Variants in PLEKHM3 observed in about 807,000 individuals in gnomAD.
PLEKHM3 encodes pleckstrin homology domain-containing family M member 3.
Under a neutral mutation model 81.8 loss-of-function variants are expected in PLEKHM3, and 45 were observed. The ratio of observed to expected loss-of-function variants is 0.55; its 90% confidence interval spans 0.43 to 0.71. The LOEUF (loss-of-function observed/expected upper bound fraction) is 0.71. Among genes scored for constraint, PLEKHM3 ranks in the 30% least tolerant of loss-of-function variants. The pLI, the probability that PLEKHM3 is intolerant of heterozygous loss-of-function variation, is 0.00. For synonymous variants in PLEKHM3, 352 were observed against 356.4 expected (o/e 0.99, Z 0.14); for missense variants, 788 against 924.3 (o/e 0.85, Z 1.91).
intron 4 of PLEKHM3, among the ~76,000 whole-genome samples, chr2:207,943,888 A>G (rs1690032413): frequency 6.6e-6 from 1 of 151,492 alleles, no homozygotes. Context: ...AAAAAAAAAA[A>G]AAAGAAATGC....
intron 1 of PLEKHM3, among the ~76,000 whole-genome samples, chr2:208,017,718 G>A: frequency 6.6e-6 from 1 of 152,022 alleles, no homozygotes; most frequent in East Asian, 1.9e-4. Context: ...CCCTCAAGAA[G>A]CAGTCTGATT....
intron 1 of PLEKHM3, among the ~76,000 whole-genome samples, chr2:208,015,583 TA>T (rs1692878248): frequency 6.6e-6 from 1 of 152,210 alleles, no homozygotes; most frequent in Non-Finnish European, 1.5e-5. Flanking sequence ...GTTCTCTAAC[TA>T]AATAGCTAAC....
At chr2:207,979,343 T>C (rs775098961) in intron 2 of PLEKHM3, among the ~76,000 whole-genome samples, 6 of 152,110 alleles carry the variant, frequency 3.9e-5, no homozygotes, top group Non-Finnish European at 7.4e-5. Context: ...GAGACCAGCC[T>C]GGCCAACATG....
At chr2:207,835,958 G>A (rs2092316767) in intron 7 of PLEKHM3, among the ~76,000 whole-genome samples, 1 of 152,136 alleles carries the variant, frequency 6.6e-6, no homozygotes, top group Admixed American at 6.6e-5. Flanking sequence ...TTTAACTGTT[G>A]GGACAGCTGC....
chr2:207,828,938 G>A (rs894168708), intron 7 of PLEKHM3, among the ~76,000 whole-genome samples: 4 of 152,202 alleles, frequency 2.6e-5, no homozygotes, highest in African/African-American at 7.2e-5. Flanking sequence ...CAGTTAACAC[G>A]AGCTAAGTGG....
At chr2:207,828,870 G>A (rs1428236777) in intron 7 of PLEKHM3, among the ~76,000 whole-genome samples, 2 of 152,118 alleles carry the variant, frequency 1.3e-5, no homozygotes, top group Admixed American at 6.5e-5. Flanking sequence ...TCGTGAAAAC[G>A]CTCGGCACAC....
At chr2:207,915,381 G>C (rs1455090105) in intron 5 of PLEKHM3, among the ~76,000 whole-genome samples, 2 of 152,088 alleles carry the variant, frequency 1.3e-5, no homozygotes, top group African/African-American at 4.8e-5. Flanking sequence ...CATGACATTA[G>C]GTCAAATAAA....
intron 6 of PLEKHM3, among the ~76,000 whole-genome samples, chr2:207,899,783 AT>A (rs1688357839): frequency 6.6e-6 from 1 of 152,106 alleles, no homozygotes; most frequent in South Asian, 2.1e-4. Context: ...GGTAGTGAAA[AT>A]TTTCTTTAGC....
At chr2:207,844,658 A>C (rs2092373790) in intron 7 of PLEKHM3, among the ~76,000 whole-genome samples, 1 of 152,082 alleles carries the variant, frequency 6.6e-6, no homozygotes, top group Admixed American at 6.6e-5. Context: ...TTTCTCATCA[A>C]AAGGCTACAA....
intron 1 of PLEKHM3, among the ~76,000 whole-genome samples, chr2:208,004,639 T>G (rs1403973232): frequency 6.6e-6 from 1 of 152,016 alleles, no homozygotes; most frequent in Non-Finnish European, 1.5e-5. Flanking sequence ...AGTTTTCACC[T>G]CAGGGCCTTT....
chr2:207,971,630 G>A (rs896227013), intron 3 of PLEKHM3, among the ~76,000 whole-genome samples: 1 of 150,162 alleles, frequency 6.7e-6, no homozygotes, highest in Non-Finnish European at 1.5e-5. Context: ...ACCTAATATA[G>A]AATCACATAC....
At chr2:207,867,321 T>C (rs1438932987) in intron 6 of PLEKHM3, among the ~76,000 whole-genome samples, 1 of 152,250 alleles carries the variant, frequency 6.6e-6, no homozygotes, top group African/African-American at 2.4e-5. Flanking sequence ...CTTACATTCA[T>C]GGCCATGTTC....
At chr2:207,870,436 G>T (rs149757293) in intron 6 of PLEKHM3, among the ~76,000 whole-genome samples, 5 of 152,180 alleles carry the variant, frequency 3.3e-5, no homozygotes. Flanking sequence ...AAACAACTCC[G>T]TCTCTGAAAG....
intron 6 of PLEKHM3, among the ~76,000 whole-genome samples, chr2:207,880,793 AAAAACAAACAAAC>A: frequency 7.0e-6 from 1 of 141,988 alleles, no homozygotes; most frequent in Non-Finnish European, 1.5e-5. Context: ...AAAAAACCAA[AAAAACAAACAAAC>A]AAAAAAAAAC....
intron 3 of PLEKHM3, among the ~76,000 whole-genome samples, chr2:207,964,211 CAA>C (rs900466467): frequency 5.2e-5 from 7 of 135,210 alleles, no homozygotes; most frequent in Admixed American, 1.5e-4. Context: ...GACTCCGTCT[CAA>C]AAAAAAAAAA....
intron 7 of PLEKHM3, among the ~76,000 whole-genome samples, chr2:207,855,287 AG>A (rs1373047898): frequency 1.3e-5 from 2 of 152,174 alleles, no homozygotes; most frequent in Admixed American, 1.3e-4. Context: ...AAGGGAACAA[AG>A]GAGCCTACTG....
At chr2:207,923,880 C>CACACACACACATATATATATATATAT (rs1319162543) in intron 5 of PLEKHM3, among the ~76,000 whole-genome samples, 1 of 56,790 alleles carries the variant, frequency 1.8e-5, no homozygotes, top group Non-Finnish European at 3.2e-5. Context: ...CACACACACA[C>CACACACACACATATATATATATATAT]ATATATATAT....
chr2:207,873,546 G>A (rs1392274179), intron 6 of PLEKHM3, among the ~76,000 whole-genome samples: 4 of 152,214 alleles, frequency 2.6e-5, no homozygotes, highest in Admixed American at 1.3e-4. Flanking sequence ...TAGATAAAAG[G>A]TGAGTTTAAC....
intron 6 of PLEKHM3, among the ~76,000 whole-genome samples, chr2:207,894,426 G>GT (rs1024915075): frequency 2.6e-5 from 4 of 152,126 alleles, no homozygotes; most frequent in Admixed American, 6.5e-5. Context: ...CAAGCACTGG[G>GT]TTTTTTTGCC....
Sources: gnomAD v4.1 joint callset for allele counts (sites outside exome capture counted in the v4.1 genomes callset) on GRCh38, gnomAD v4.1.1 for gene constraint, MANE v1.5 for transcripts, NCBI Gene and HGNC (gene_info 2026-07-23, HGNC 2026-07-21) for gene names.